RBM20: variants seen among roughly 807,000 people sequenced by gnomAD.
RBM20 encodes RNA binding motif protein 20.
In RBM20, 51 loss-of-function variants were observed where a neutral mutation model predicts 110.1. The ratio of observed to expected loss-of-function variants is 0.46; its 90% confidence interval spans 0.37 to 0.59. The LOEUF (loss-of-function observed/expected upper bound fraction) is 0.59, where lower values mean the gene tolerates loss of function less well. Ranked by LOEUF, RBM20 falls within the 20% of genes least tolerant of loss-of-function variation. The probability of loss-of-function intolerance (pLI) is 0.00; values close to 1 mark genes in which losing one functional copy is unlikely to be tolerated. For synonymous variants in RBM20, 589 were observed against 618.2 expected, an observed-to-expected ratio of 0.95 and a Z score of 0.70; for missense variants, 1,512 against 1,574.9, an observed-to-expected ratio of 0.96 and a Z score of 0.68.
intron 8 of RBM20, 29 bp downstream of exon 8, chr10:110,810,491 C>A: frequency 1.3e-6 from 2 of 1,510,506 alleles, no homozygotes; most frequent in Non-Finnish European, 1.8e-6. Flanking sequence ...AGTCTCCAGG[C>A]AGGTTCTGGG....
chr10:110,730,477 ACTC>A (rs1843609521), intron 1 of RBM20, among the ~76,000 whole-genome samples: 1 of 151,770 alleles, frequency 6.6e-6, no homozygotes, highest in Admixed American at 6.6e-5. Flanking sequence ...AGTCCCGAGG[ACTC>A]CTCTAGCCTA....
intron 1 of RBM20, among the ~76,000 whole-genome samples, chr10:110,776,169 TC>T (rs1409161985): frequency 1.3e-5 from 2 of 152,132 alleles, no homozygotes; most frequent in Non-Finnish European, 2.9e-5. Context: ...CTGACTACAT[TC>T]CCAGAGGGTC....
At chr10:110,780,475 T>A (rs1230288490) in intron 1 of RBM20, among the ~76,000 whole-genome samples, 1 of 152,254 alleles carries the variant, frequency 6.6e-6, no homozygotes, top group Non-Finnish European at 1.5e-5. Context: ...ATTGACATTG[T>A]GCCTATTCTA....
chr10:110,820,135 G>A lies in RBM20; in HGVS notation c.2614G>A (p.Glu872Lys). ...SPQSVGRQEK[E>K]AEFSDPENTR... ...TCAATCAGTGGGCAGACAGGAGAAAGAAGCAGAGTTCTCTGATCCGGAAAA... is the reference window on the plus strand; with the variant it reads ...TCAATCAGTGGGCAGACAGGAGAAAAAAGCAGAGTTCTCTGATCCGGAAAA... Residue 872 changes from glutamate to lysine, a missense_variant, in exon 10 of 14, where the codon GAA becomes AAA. Around this residue, in one of 3 missense-constraint regions of RBM20, gnomAD observed 1,149 missense variants for 1,169.4 expected, o/e 0.98. Coordinates refer to ENST00000369519, the MANE Select transcript of RBM20 (RefSeq NM_001134363.3). 1 of 1,551,644 alleles carries A rather than the reference G, an allele frequency of 6.4e-7. No individual in the cohort carries two copies. The highest frequency in any genetic ancestry group is 1.2e-5 in the South Asian group (1 of 84,038).
At chr10:110,782,465 C>A (rs552284636) in intron 2 of RBM20, among the ~76,000 whole-genome samples, 18 of 152,098 alleles carry the variant, frequency 1.2e-4, no homozygotes, top group South Asian at 6.2e-4. Flanking sequence ...AATGTCCCCC[C>A]AAAAAATGTA....
chr10:110,723,683 G>T (rs1843532843), intron 1 of RBM20, among the ~76,000 whole-genome samples: 1 of 152,216 alleles, frequency 6.6e-6, no homozygotes, highest in African/African-American at 2.4e-5. Context: ...TAACAATGTT[G>T]AACATCTTCT....
At chr10:110,751,550 C>G (rs924616956) in intron 1 of RBM20, among the ~76,000 whole-genome samples, 14 of 152,202 alleles carry the variant, frequency 9.2e-5, no homozygotes, top group African/African-American at 3.1e-4. Flanking sequence ...CATAATTATG[C>G]CTCTATAATC....
intron 1 of RBM20, among the ~76,000 whole-genome samples, chr10:110,664,711 C>A (rs1862152386): frequency 6.6e-6 from 1 of 152,030 alleles, no homozygotes; most frequent in Non-Finnish European, 1.5e-5. Flanking sequence ...GGTGCCACTG[C>A]ACTTTAGCCT....
intron 13 of RBM20, among the ~76,000 whole-genome samples, chr10:110,831,666 TAAAAAAAAAAAA>T (rs869203382): frequency 3.4e-5 from 2 of 58,402 alleles, no homozygotes; most frequent in Non-Finnish European, 7.4e-5. Flanking sequence ...CTTGCTAGAA[TAAAAAAAAAAAA>T]AAAAAAAAAA....
In RBM20 at chr10:110,780,093, G is replaced by A. The variant is rs531651244; in HGVS notation, c.192-708G>A. ...GTGGGGGGAGCACGTAACCAAGGGA[G>A]ATTTATCGTATTGGAATGCTCTCTG... is the stretch of plus-strand genomic sequence containing the variant. On this transcript the variant is annotated intron_variant, in intron 1 of 13. Coordinates refer to ENST00000369519, the MANE Select transcript of RBM20 (RefSeq NM_001134363.3). Among the ~76,000 whole-genome samples, 102 of 152,252 alleles carry A rather than the reference G, an allele frequency of 6.7e-4. 1 individual carries two copies. Among genetic ancestry groups the A allele is most frequent in the Non-Finnish European group, 1.3e-3 (88 of 68,010 alleles).
At chr10:110,831,682 A>AAAAATC (rs1554844420) in intron 13 of RBM20, among the ~76,000 whole-genome samples, 1 of 136,472 alleles carries the variant, frequency 7.3e-6, no homozygotes, top group Non-Finnish European at 1.6e-5. Context: ...AAAAAAAAAA[A>AAAAATC]AAAAAAAAAC....
chr10:110,745,757 CAT>C (rs1218292598), intron 1 of RBM20, among the ~76,000 whole-genome samples: 1 of 152,130 alleles, frequency 6.6e-6, no homozygotes, highest in East Asian at 1.9e-4. Context: ...TGCGTGATAA[CAT>C]GTGAGGAGGG....
intron 1 of RBM20, among the ~76,000 whole-genome samples, chr10:110,738,014 C>T (rs2134963383): frequency 6.6e-6 from 1 of 152,282 alleles, no homozygotes; most frequent in South Asian, 2.1e-4. Flanking sequence ...TAATCATCAT[C>T]TATATGCCAG....
At chr10:110,708,349 G>A (rs1369536685) in intron 1 of RBM20, among the ~76,000 whole-genome samples, 2 of 152,124 alleles carry the variant, frequency 1.3e-5, no homozygotes, top group Admixed American at 6.6e-5. Context: ...CTTAACTAAC[G>A]TTTATCAGAT....
At position 110,821,946 on chromosome 10, in the gene RBM20, C is replaced by A. The variant is rs1480607643; in HGVS notation, c.3316+11C>A. 1.6e-5 allele frequency: 25 copies of A among 1,551,376 alleles called. No homozygotes were observed. Among genetic ancestry groups the A allele is most frequent in the Non-Finnish European group, 2.0e-5 (23 of 1,146,850 alleles). On this transcript the variant is annotated intron_variant, in intron 11 of 13. Coordinates refer to ENST00000369519, the MANE Select transcript of RBM20 (RefSeq NM_001134363.3). ...AAGTGTTGACCCCGGGTAACTATCT[C>A]CCCTTTCCTCACGGGTGGTCGGGTT...
rs955479125 is a variant in RBM20, at chr10:110,838,819, A to T, written c.*2841A>T. The T allele has an allele frequency of 6.6e-6, 1 of 152,234 alleles. No individual in the cohort carries two copies. Among genetic ancestry groups the T allele is most frequent in the Admixed American group, 6.5e-5 (1 of 15,290 alleles). 9.4% of individuals were successfully genotyped at this position (152,234 alleles called of 1,614,324 possible). A position where few individuals can be genotyped will look rare whatever the true frequency, so the allele number is the denominator to read the frequency against. On this transcript the variant is annotated 3_prime_UTR_variant, in exon 14 of 14. Transcript: ENST00000369519. Reference sequence around the variant, plus strand: ...CAGAACCTTCGGTTTAAAATCATCTAAGAGTCTATACTTGTGTGTACATAC... The same window carrying T: ...CAGAACCTTCGGTTTAAAATCATCTTAGAGTCTATACTTGTGTGTACATAC...
chr10:110,784,920 A>C, intron 5 of RBM20, 31 bp downstream of exon 5: 1 of 1,268,552 alleles, frequency 7.9e-7, no homozygotes, highest in South Asian at 1.3e-5. Flanking sequence ...TCTAGAAATT[A>C]ATGAAAATGA....
chr10:110,810,915 T>C lies in RBM20; in HGVS notation c.1880+453T>C, dbSNP rs111732979. Reference sequence around the variant, plus strand: ...TTGGTTTTCATAAGTTGAATGTAGATGTAGGAAGTAAAATGTAGATGGTTA... The same window carrying C: ...TTGGTTTTCATAAGTTGAATGTAGACGTAGGAAGTAAAATGTAGATGGTTA... On this transcript the variant is annotated intron_variant, in intron 8 of 13. Coordinates refer to ENST00000369519, the MANE Select transcript of RBM20 (RefSeq NM_001134363.3). Among the ~76,000 whole-genome samples the C allele has an allele frequency of 6.5e-3, 988 of 152,238 alleles. 11 individuals are homozygous for C. The highest frequency in any genetic ancestry group is 0.023 in the African/African-American group (941 of 41,538).
chr10:110,791,611 CAA>C (rs199578007), intron 5 of RBM20, among the ~76,000 whole-genome samples: 2,701 of 152,280 alleles, frequency 0.018, 73 homozygotes, highest in African/African-American at 0.062. Flanking sequence ...TCCCCAGCTA[CAA>C]AAGAGTTGAG....
Sources: gnomAD v4.1 joint callset for allele counts (sites outside exome capture counted in the v4.1 genomes callset) on GRCh38, gnomAD v4.1.1 for gene constraint, gnomAD v4.1.1 regional missense constraint, MANE v1.5 for transcripts, NCBI Gene and HGNC (gene_info 2026-07-23, HGNC 2026-07-21) for gene names.